The following SLC39A10 variants were observed in gnomAD, a reference collection of about 807,000 sequenced individuals.
SLC39A10 encodes solute carrier family 39 member 10.
Under a neutral mutation model 65.1 loss-of-function variants are expected in SLC39A10, and 13 were observed. The observed-to-expected ratio is 0.20, with a 90% CI of 0.13 to 0.32. The LOEUF (loss-of-function observed/expected upper bound fraction) is 0.32, where lower values mean the gene tolerates loss of function less well. Among genes scored for constraint, SLC39A10 ranks in the 10% least tolerant of loss-of-function variants. The pLI is 1.00. For synonymous variants in SLC39A10, 321 were observed against 342.2 expected (o/e 0.94, Z 0.68); for missense variants, 831 against 1,018.4 (o/e 0.82, Z 2.50).
rs55931319 is a variant in SLC39A10 at position 195,644,890 on chromosome 2, CTTTATTTATTTA to C, written c.-11-35117_-11-35106del. 3.6e-5 allele frequency among the ~76,000 whole-genome samples: 5 copies of C among 138,218 alleles called. No individual in the cohort carries two copies. The East Asian group carries it at 1.1e-3, about 31-fold the overall frequency. 90.7% of individuals were successfully genotyped at this position (138,218 alleles called of 152,430 possible). Reference sequence around the variant, plus strand: ...GCCTCACCCATGACCAATCTAACTACTTTATTTATTTATTTATTTATTTATTTATTTATTTAG... The same window carrying C: ...GCCTCACCCATGACCAATCTAACTACTTTATTTATTTATTTATTTATTTAG... On this transcript the variant is annotated intron_variant, in intron 2 of 2. Transcript: ENST00000458054.
intron 9 of SLC39A10, among the ~76,000 whole-genome samples, chr2:195,731,770 G>C (rs1014523679): frequency 2.0e-5 from 3 of 152,170 alleles, no homozygotes; most frequent in African/African-American, 7.2e-5. Flanking sequence ...AAAAATCCGA[G>C]CTGAGTCCTA....
At chr2:195,687,765 G>A (rs1574272520) in intron 3 of SLC39A10, among the ~76,000 whole-genome samples, 1 of 152,298 alleles carries the variant, frequency 6.6e-6, no homozygotes, top group East Asian at 1.9e-4. Context: ...TTCAAAGACT[G>A]CTGTAAACCT....
chr2:195,642,397 C>T (rs563030958), intron 2 of SLC39A10, among the ~76,000 whole-genome samples: 2 of 152,302 alleles, frequency 1.3e-5, no homozygotes, highest in Admixed American at 6.5e-5. Flanking sequence ...CTCACTTCTG[C>T]TTTCTCCCTC....
intron 1 of SLC39A10, among the ~76,000 whole-genome samples, chr2:195,674,382 A>T (rs770065287): frequency 2.0e-5 from 3 of 151,974 alleles, no homozygotes; most frequent in Admixed American, 2.0e-4. Flanking sequence ...AGTCCAAGCG[A>T]TTCTCCTGCC....
intron 7 of SLC39A10, 53 bp downstream of exon 7, chr2:195,717,058 A>G: frequency 6.4e-7 from 1 of 1,553,810 alleles, no homozygotes; most frequent in South Asian, 1.2e-5. Flanking sequence ...TATAATATGT[A>G]TGATTAAATT....
At chr2:195,670,466 C>T (rs1475840917) in intron 1 of SLC39A10, 1 of 152,120 alleles carries the variant, frequency 6.6e-6, no homozygotes, top group African/African-American at 2.4e-5. Context: ...GTATGTGCTG[C>T]TGAAGCACAC....
chr2:195,674,608 AG>A, intron 1 of SLC39A10: 1 of 985,176 alleles, frequency 1.0e-6, no homozygotes, highest in Non-Finnish European at 1.2e-6. Context: ...TTTTTTCTTG[AG>A]GCCTCTTATT....
rs930581861 is a variant in SLC39A10 at position 195,728,722 on chromosome 2, C to T, written c.2337+373C>T. ...GAAATACTATTCCTGTTAGGTAAGC[C>T]AGTCTTCTGGAAGGAAGTGGTATAT... On this transcript the variant is annotated intron_variant, in intron 9 of 9. Transcript: ENST00000359634. The surrounding 1 kb of genome is among the most constrained non-coding windows in gnomAD (Gnocchi z 4.4). Among the ~76,000 whole-genome samples the T allele has an allele frequency of 3.0e-4, 45 of 152,096 alleles. No individual in the cohort carries two copies. The highest frequency in any genetic ancestry group is 1.1e-3 in the African/African-American group (45 of 41,408).
chr2:195,632,097 T>C (rs1285859858), intron 2 of SLC39A10, among the ~76,000 whole-genome samples: 1 of 151,746 alleles, frequency 6.6e-6, no homozygotes, highest in Non-Finnish European at 1.5e-5. Flanking sequence ...CTCACTATGT[T>C]GCCCAGGCTG....
At chr2:195,635,222 G>A (rs1688674128) in intron 2 of SLC39A10, among the ~76,000 whole-genome samples, 1 of 152,188 alleles carries the variant, frequency 6.6e-6, no homozygotes, top group Non-Finnish European at 1.5e-5. Flanking sequence ...GGCAGAAAAG[G>A]GAAATTTGTT....
At chr2:195,643,834 T>C (rs1324414309) in intron 2 of SLC39A10, among the ~76,000 whole-genome samples, 2 of 152,262 alleles carry the variant, frequency 1.3e-5, no homozygotes, top group African/African-American at 2.4e-5. Flanking sequence ...CAGAACTTCA[T>C]TGTTACAGTA....
intron 2 of SLC39A10, among the ~76,000 whole-genome samples, chr2:195,626,900 T>C (rs1688485639): frequency 6.6e-6 from 1 of 152,192 alleles, no homozygotes; most frequent in East Asian, 1.9e-4. Flanking sequence ...CAAGTTTTAT[T>C]GCCAGGAAAA....
At chr2:195,729,961 A>ATTT (rs58936616) in intron 9 of SLC39A10, among the ~76,000 whole-genome samples, 8,079 of 92,044 alleles carry the variant, frequency 0.088, 974 homozygotes, top group African/African-American at 0.12. Context: ...ACCATGCCTA[A>ATTT]TTTTTTTTTT....
At chr2:195,716,259 T>A (rs864005) in intron 6 of SLC39A10, among the ~76,000 whole-genome samples, 41,899 of 151,840 alleles carry the variant, frequency 0.28, 5,944 homozygotes, top group Middle Eastern at 0.42. Context: ...TAATTTTTTT[T>A]AAAAAAGGCT....
intron 1 of SLC39A10, among the ~76,000 whole-genome samples, chr2:195,662,732 T>TA (rs1224688553): frequency 2.5e-4 from 38 of 151,938 alleles, no homozygotes; most frequent in African/African-American, 5.8e-4. Context: ...ATTGGCACTT[T>TA]AAAAAAAAAT....
At chr2:195,626,903 C>T (rs1407643810) in intron 2 of SLC39A10, among the ~76,000 whole-genome samples, 1 of 152,070 alleles carries the variant, frequency 6.6e-6, no homozygotes, top group African/African-American at 2.4e-5. Context: ...GTTTTATTGC[C>T]AGGAAAATTG....
Position 195,662,274 on chromosome 2 carries a change from CT to C in SLC39A10, c.-12+5007del, listed in dbSNP as rs778924026. On this transcript the variant is annotated intron_variant, in intron 1 of 9. Transcript: ENST00000359634. ...GATATGTATCCTACTGTGGTGTTCCCTTTTTTTTTTTTTTGTGAGACAGTAT... is the reference window on the plus strand; with the variant it reads ...GATATGTATCCTACTGTGGTGTTCCCTTTTTTTTTTTTTGTGAGACAGTAT... Among the ~76,000 whole-genome samples, 392 of 140,610 alleles carry C rather than the reference CT, an allele frequency of 2.8e-3. 1 individual carries two copies. Among genetic ancestry groups the C allele is most frequent in the African/African-American group, 4.4e-3 (169 of 38,630 alleles). The allele number at this position is 140,610 out of a possible 152,430, so 92.2% of individuals were successfully genotyped here.
chr2:195,654,438 G>A (rs1399345064), upstream of SLC39A10, among the ~76,000 whole-genome samples: 1 of 152,128 alleles, frequency 6.6e-6, no homozygotes, highest in Non-Finnish European at 1.5e-5. Flanking sequence ...CCTCTGAGGG[G>A]CAAAAAGACC....
At chr2:195,684,559 A>G (rs1690451700) in intron 3 of SLC39A10, among the ~76,000 whole-genome samples, 1 of 152,126 alleles carries the variant, frequency 6.6e-6, no homozygotes, top group African/African-American at 2.4e-5. Context: ...ATGGATCCCA[A>G]ATATCATTAA....
Sources: gnomAD v4.1 joint callset for allele counts (sites outside exome capture counted in the v4.1 genomes callset) on GRCh38, gnomAD v4.1.1 for gene constraint, Gnocchi (gnomAD v3.1) non-coding constraint, MANE v1.5 for transcripts, NCBI Gene and HGNC (gene_info 2026-07-23, HGNC 2026-07-21) for gene names.